The following EYS variants were observed in gnomAD, a reference collection of about 807,000 sequenced individuals.
The protein encoded by EYS is protein eyes shut homolog.
Under a neutral mutation model 282.1 loss-of-function variants are expected in EYS, and 250 were observed. That is an observed-to-expected ratio of 0.89 (90% CI 0.80 to 0.98). EYS has a LOEUF of 0.98. Among genes scored for constraint, EYS ranks in the 50% least tolerant of loss-of-function variants. The pLI, the probability that EYS is intolerant of heterozygous loss-of-function variation, is 0.00. For synonymous variants in EYS, 1,355 were observed against 1,282.9 expected, an observed-to-expected ratio of 1.06 and a Z score of -1.20; for missense variants, 4,016 against 3,709.0, an observed-to-expected ratio of 1.08 and a Z score of -2.15.
At chr6:64,695,597 T>C (rs984913630) in intron 22 of EYS, among the ~76,000 whole-genome samples, 1 of 151,334 alleles carries the variant, frequency 6.6e-6, no homozygotes, top group African/African-American at 2.4e-5. Flanking sequence ...CTTTTTTTTT[T>C]TTTTTGAGAA....
chr6:63,732,547 G>A (rs1048446242), intron 41 of EYS, among the ~76,000 whole-genome samples: 1 of 152,082 alleles, frequency 6.6e-6, no homozygotes, highest in African/African-American at 2.4e-5. Flanking sequence ...GAAAAATTGA[G>A]GTGGACATAC....
rs554367003 is a variant in EYS at position 65,118,511 on chromosome 6, G to T, written c.2024-60784C>A. On this transcript the variant is annotated intron_variant, in intron 12 of 42. Transcript: ENST00000503581. ...TGGCTGTTTTGACCTCTGGAGGAAG[G>T]CTGAGCCCTTTGGCATCACATGTGT... is the stretch of plus-strand genomic sequence containing the variant. Among the ~76,000 whole-genome samples the T allele has an allele frequency of 2.0e-5, 3 of 152,268 alleles. No individual in the cohort carries two copies. The South Asian group carries it at 6.2e-4, about 32-fold the overall frequency.
intron 2 of EYS, among the ~76,000 whole-genome samples, chr6:65,602,740 T>G (rs1304935035): frequency 6.6e-6 from 1 of 152,042 alleles, no homozygotes; most frequent in East Asian, 1.9e-4. Context: ...GCACAGGTTG[T>G]AAATATCTGA....
chr6:64,791,384 A>T, intron 22 of EYS, among the ~76,000 whole-genome samples: 1 of 151,840 alleles, frequency 6.6e-6, no homozygotes, highest in East Asian at 1.9e-4. Flanking sequence ...ACACTATATT[A>T]TTCACACAGA....
At chr6:65,081,696 T>TA (rs1307365843) in intron 12 of EYS, among the ~76,000 whole-genome samples, 1 of 152,138 alleles carries the variant, frequency 6.6e-6, no homozygotes, top group Admixed American at 6.6e-5. Context: ...ACTGGTTATT[T>TA]AAAAAAATGA....
At chr6:64,448,945 G>C (rs535112747) in intron 26 of EYS, among the ~76,000 whole-genome samples, 1 of 152,194 alleles carries the variant, frequency 6.6e-6, no homozygotes, top group African/African-American at 2.4e-5. Flanking sequence ...AAAAATCAGA[G>C]AGCATCTCCT....
chr6:64,817,342 G>C (rs139335804), intron 21 of EYS, among the ~76,000 whole-genome samples: 49 of 152,138 alleles, frequency 3.2e-4, no homozygotes, highest in Middle Eastern at 3.4e-3. Context: ...CTGAATGCCA[G>C]AATCCACTAT....
chr6:65,676,009 G>A (rs1188063704), intron 1 of EYS, among the ~76,000 whole-genome samples: 1 of 151,728 alleles, frequency 6.6e-6, no homozygotes, highest in Non-Finnish European at 1.5e-5. Context: ...AAAATCGAGG[G>A]AAATTAGAAT....
intron 11 of EYS, among the ~76,000 whole-genome samples, chr6:65,319,147 T>A (rs1333588631): frequency 7.7e-6 from 1 of 130,504 alleles, no homozygotes; most frequent in Non-Finnish European, 1.5e-5. Flanking sequence ...TCACTTGAGG[T>A]CAGGAGTTCG....
chr6:64,523,742 T>C (rs1777830456), intron 26 of EYS, among the ~76,000 whole-genome samples: 1 of 151,744 alleles, frequency 6.6e-6, no homozygotes, highest in South Asian at 2.1e-4. Flanking sequence ...TGGAACTCCC[T>C]GAATGATGAA....
chr6:64,809,916 C>A (rs1764543443), intron 22 of EYS, among the ~76,000 whole-genome samples: 1 of 151,974 alleles, frequency 6.6e-6, no homozygotes, highest in Non-Finnish European at 1.5e-5. Context: ...GCCTCAGCAT[C>A]AAGTAATTTA....
In EYS at chr6:64,511,584, G is replaced by A. The variant is rs557014122; in HGVS notation, c.5645-72232C>T. ...TTGTGCCACTGAGTAGAGATGGAAG[G>A]ATGTACGCAACTCTGCATCCCAGTG... On this transcript the variant is annotated intron_variant, in intron 26 of 42. Transcript: ENST00000503581. Among the ~76,000 whole-genome samples, 7 of 152,050 alleles carry A rather than the reference G, an allele frequency of 4.6e-5. No homozygotes were observed. In the South Asian group the frequency reaches 1.5e-3, roughly 32 times the overall value.
chr6:64,458,365 G>T (rs1775630263), intron 26 of EYS, among the ~76,000 whole-genome samples: 1 of 151,444 alleles, frequency 6.6e-6, no homozygotes, highest in Non-Finnish European at 1.5e-5. Context: ...GTCTGGTGGT[G>T]ATAAACTCCC....
intron 35 of EYS, among the ~76,000 whole-genome samples, chr6:63,939,484 A>G (rs1765169903): frequency 6.6e-6 from 1 of 152,212 alleles, no homozygotes; most frequent in Admixed American, 6.5e-5. Context: ...TTCTGGGTTT[A>G]GGAGTTTTAC....
At chr6:65,301,266 C>G (rs1438973924) in intron 11 of EYS, among the ~76,000 whole-genome samples, 1 of 151,908 alleles carries the variant, frequency 6.6e-6, no homozygotes, top group African/African-American at 2.4e-5. Context: ...GAGGCCGAGG[C>G]GGGCAGATCA....
intron 28 of EYS, among the ~76,000 whole-genome samples, chr6:64,415,339 C>T (rs1774026209): frequency 6.6e-6 from 1 of 152,158 alleles, no homozygotes; most frequent in South Asian, 2.1e-4. Context: ...TCACATGGCA[C>T]CCCTGTATTT....
At chr6:65,224,915 C>A (rs1042704444) in intron 12 of EYS, among the ~76,000 whole-genome samples, 6 of 151,992 alleles carry the variant, frequency 3.9e-5, no homozygotes, top group Admixed American at 6.6e-5. Flanking sequence ...TGATTGAATT[C>A]GTAGTCAAAA....
chr6:64,399,751 C>G (rs1773486905), intron 28 of EYS, among the ~76,000 whole-genome samples: 1 of 151,748 alleles, frequency 6.6e-6, no homozygotes, highest in South Asian at 2.1e-4. Flanking sequence ...AATTTTGGTA[C>G]CTGATGTATG....
At chr6:64,391,478 C>T (rs937190617) in intron 28 of EYS, among the ~76,000 whole-genome samples, 1 of 151,618 alleles carries the variant, frequency 6.6e-6, no homozygotes, top group Admixed American at 6.6e-5. Flanking sequence ...ATTCAACATT[C>T]TTAAAGAAAA....
Sources: gnomAD v4.1 joint callset for allele counts (sites outside exome capture counted in the v4.1 genomes callset) on GRCh38, gnomAD v4.1.1 for gene constraint, MANE v1.5 for transcripts, NCBI Gene and HGNC (gene_info 2026-07-23, HGNC 2026-07-21) for gene names.